Variants in AK9 observed in about 807,000 individuals in gnomAD.
AK9 encodes adenylate kinase 9.
In AK9, 191 loss-of-function variants were observed where a neutral mutation model predicts 239.6. The observed-to-expected ratio is 0.80, with a 90% CI of 0.71 to 0.90. The LOEUF is 0.90. Among genes scored for constraint, AK9 ranks in the 40% least tolerant of loss-of-function variants. The probability of loss-of-function intolerance (pLI) is 0.00; values close to 1 mark genes in which losing one functional copy is unlikely to be tolerated. For synonymous variants in AK9, 689 were observed against 721.0 expected (o/e 0.96, Z 0.71); for missense variants, 1,995 against 2,214.7 (o/e 0.90, Z 1.99).
intron 8 of AK9, among the ~76,000 whole-genome samples, chr6:109,645,551 C>T (rs971590251): frequency 1.2e-4 from 18 of 151,936 alleles, no homozygotes; most frequent in African/African-American, 4.1e-4. Flanking sequence ...AACAAAGCAG[C>T]CAGAAGCTCA....
At chr6:109,641,659 T>TA in intron 9 of AK9, 43 bp from the exon 10 acceptor site, 1 of 1,513,866 alleles carries the variant, frequency 6.6e-7, no homozygotes, top group Non-Finnish European at 9.1e-7. Flanking sequence ...GGCATCTGAA[T>TA]ATCTCAAATA....
At chr6:109,679,218 C>A (rs201784751) in intron 1 of AK9, among the ~76,000 whole-genome samples, 9 of 152,312 alleles carry the variant, frequency 5.9e-5, no homozygotes, top group Admixed American at 5.9e-4. Flanking sequence ...TTGAAATTCT[C>A]GCTGCCAGCA....
intron 19 of AK9, among the ~76,000 whole-genome samples, chr6:109,581,403 T>C (rs1048073010): frequency 2.0e-5 from 3 of 152,164 alleles, no homozygotes; most frequent in Admixed American, 1.3e-4. Flanking sequence ...TTCAAGGAAA[T>C]TAAATGTGCT....
chr6:109,590,069 G>A (rs1017154170), intron 17 of AK9, among the ~76,000 whole-genome samples: 1 of 152,112 alleles, frequency 6.6e-6, no homozygotes, highest in Non-Finnish European at 1.5e-5. Flanking sequence ...TCAGAGTGAT[G>A]CTGGCTTCAT....
chr6:109,619,516 A>G (rs949068138), intron 12 of AK9, among the ~76,000 whole-genome samples: 1 of 152,148 alleles, frequency 6.6e-6, no homozygotes, highest in Non-Finnish European at 1.5e-5. Context: ...GACTTAACAG[A>G]AGTTAAAACA....
rs1777208017 is a variant in AK9, at chr6:109,497,580, CA to C, written c.5217-18del. The C allele has an allele frequency of 1.3e-6, 2 of 1,517,356 alleles. No individual in the cohort carries two copies. Among genetic ancestry groups the C allele is most frequent in the African/African-American group, 1.4e-5 (1 of 71,520 alleles). 94.0% of individuals were successfully genotyped at this position (1,517,356 alleles called of 1,614,324 possible). Reference sequence around the variant, plus strand: ...GCTTCATATCTGGAAGACCAAAAAACAAAACAAAACCTCTATTGTATAATTA... The same window carrying C: ...GCTTCATATCTGGAAGACCAAAAAACAAACAAAACCTCTATTGTATAATTA... On this transcript the variant is annotated intron_variant, in intron 37 of 40. Coordinates refer to ENST00000424296, the MANE Select transcript of AK9 (RefSeq NM_001145128.3).
intron 20 of AK9, among the ~76,000 whole-genome samples, chr6:109,575,642 C>T (rs1470087816): frequency 3.3e-5 from 5 of 152,082 alleles, no homozygotes; most frequent in Non-Finnish European, 7.4e-5. Flanking sequence ...GTTTACTCTG[C>T]TGATTATTTC....
rs1374956059 is a variant in AK9 at position 109,546,134 on chromosome 6, C to G, written c.2965-7G>C. On this transcript the variant is annotated splice_region_variant and splice_polypyrimidine_tract_variant and intron_variant, in intron 25 of 40. Coordinates refer to ENST00000424296, the MANE Select transcript of AK9 (RefSeq NM_001145128.3). ...ATATTCTTAATGGAGGAGCCTGTCA[C>G]AGGGGGTGGGTCAGGGAGGGGTGGG... is the stretch of plus-strand genomic sequence containing the variant. 1.4e-6 allele frequency: 2 copies of G among 1,382,958 alleles called. No individual in the cohort carries two copies. The highest frequency in any genetic ancestry group is 1.9e-6 in the Non-Finnish European group (2 of 1,029,338). 85.7% of individuals were successfully genotyped at this position (1,382,958 alleles called of 1,614,324 possible). A position where few individuals can be genotyped will look rare whatever the true frequency, so the allele number is the denominator to read the frequency against.
In AK9 at chr6:109,534,815, C is replaced by T. The variant is rs186680058; in HGVS notation, c.3351-1345G>A. Among the ~76,000 whole-genome samples the T allele has an allele frequency of 3.7e-4, 56 of 151,532 alleles. No homozygotes were observed. In the East Asian group the frequency reaches 0.01, roughly 27 times the overall value. The stretch of plus-strand genomic sequence containing the variant: ...ACTCCCCTTCCTGTGTCCAAATGTT[C>T]TCATTGTTCAATTCCCACCTATGAG... On this transcript the variant is annotated intron_variant, in intron 27 of 40. Transcript: ENST00000424296.
At chr6:109,614,575 G>C (rs1034157388) in intron 13 of AK9, 95 bp from the exon 14 acceptor site, 5 of 977,994 alleles carry the variant, frequency 5.1e-6, no homozygotes, top group Non-Finnish European at 7.9e-6. Flanking sequence ...GTTAGACACA[G>C]TTGAGTTTCA....
At chr6:109,540,538 C>T (rs1582914046) in intron 27 of AK9, among the ~76,000 whole-genome samples, 1 of 152,180 alleles carries the variant, frequency 6.6e-6, no homozygotes, top group Non-Finnish European at 1.5e-5. Context: ...ATTCCCTGAC[C>T]CCTTGCAGTT....
chr6:109,677,731 AT>A (rs1771973794), intron 1 of AK9, among the ~76,000 whole-genome samples: 1 of 152,238 alleles, frequency 6.6e-6, no homozygotes, highest in South Asian at 2.1e-4. Context: ...CAGGAAAAAA[AT>A]ATCATGATCC....
At chr6:109,647,503 T>C (rs1437227298) in intron 8 of AK9, among the ~76,000 whole-genome samples, 8 of 152,134 alleles carry the variant, frequency 5.3e-5, no homozygotes, top group Non-Finnish European at 8.8e-5. Flanking sequence ...GGCCATTACA[T>C]AATGGTAAAG....
chr6:109,643,893 T>C (rs999709732), intron 9 of AK9, among the ~76,000 whole-genome samples: 1 of 152,190 alleles, frequency 6.6e-6, no homozygotes, highest in Non-Finnish European at 1.5e-5. Flanking sequence ...TAGTTCTTAC[T>C]GGTCCTTTAA....
intron 36 of AK9, 74 bp from the exon 37 acceptor site, chr6:109,498,039 T>G: frequency 6.9e-7 from 1 of 1,447,020 alleles, no homozygotes; most frequent in South Asian, 1.2e-5. Flanking sequence ...CCACCGAGGC[T>G]CTCCTGCACC....
intron 39 of AK9, 130 bp downstream of exon 39, chr6:109,495,206 TGA>T: frequency 1.4e-6 from 1 of 694,992 alleles, no homozygotes. Flanking sequence ...CAAAATAGGC[TGA>T]GAGAATTTGC....
In AK9 at chr6:109,587,475, A is replaced by T. The variant is rs141827206; in HGVS notation, c.1843-1403T>A. Among the ~76,000 whole-genome samples the T allele has an allele frequency of 1.6e-3, 242 of 152,290 alleles. 2 individuals carry two copies. Among genetic ancestry groups the T allele is most frequent in the Non-Finnish European group, 3.7e-4 (25 of 68,026 alleles). The stretch of plus-strand genomic sequence containing the variant: ...TGCATCCATCACCAGAGCAAGGCAC[A>T]CTGTATCAGCCAAGCAAGCTCCCAT... On this transcript the variant is annotated intron_variant, in intron 17 of 40. Transcript: ENST00000424296.
intron 27 of AK9, among the ~76,000 whole-genome samples, chr6:109,537,126 G>C (rs1318708796): frequency 6.6e-6 from 1 of 152,152 alleles, no homozygotes; most frequent in Non-Finnish European, 1.5e-5. Context: ...CATAAAATGA[G>C]TTAGGGAGGA....
intron 5 of AK9, among the ~76,000 whole-genome samples, chr6:109,670,547 TA>T (rs918809035): frequency 2.6e-5 from 4 of 152,184 alleles, no homozygotes; most frequent in Non-Finnish European, 5.9e-5. Context: ...ATAACAACTG[TA>T]AAACATTATG....
Sources: allele counts gnomAD v4.1 joint callset (sites outside exome capture counted in the v4.1 genomes callset), GRCh38; gene constraint gnomAD v4.1.1; transcripts MANE v1.5; gene names NCBI Gene and HGNC (gene_info 2026-07-23, HGNC 2026-07-21).